Variants in ABHD2 observed in about 807,000 individuals in gnomAD.
The protein encoded by ABHD2 is monoacylglycerol lipase ABHD2.
A neutral mutation model predicts 48.1 loss-of-function variants in ABHD2; 20 were observed. The ratio of observed to expected loss-of-function variants is 0.42; its 90% confidence interval spans 0.29 to 0.60. The LOEUF is 0.60. Ranked by LOEUF, ABHD2 falls within the 20% of genes least tolerant of loss-of-function variation. The pLI, the probability that ABHD2 is intolerant of heterozygous loss-of-function variation, is 0.24. For missense variants in ABHD2, 405 were observed against 550.9 expected (o/e 0.74, Z 2.65); for synonymous variants, 209 against 214.2 (o/e 0.98, Z 0.21).
intron 5 of ABHD2, among the ~76,000 whole-genome samples, chr15:89,165,826 G>T (rs933812255): frequency 6.6e-6 from 1 of 152,196 alleles, no homozygotes; most frequent in Non-Finnish European, 1.5e-5. Flanking sequence ...ACAATGTTTG[G>T]AATGTGAGTG....
In ABHD2 at chr15:89,184,732, G is replaced by A. The variant is rs988144477; in HGVS notation, c.723-692G>A. 5.3e-5 allele frequency among the ~76,000 whole-genome samples: 8 copies of A among 152,268 alleles called. No individual in the cohort carries two copies. Among genetic ancestry groups the A allele is most frequent in the East Asian group, 1.9e-4 (1 of 5,190 alleles). ...GGGATAATATCACCTGCCTACTGCC[G>A]CCATTGAAGGGTCAGAGTGTGGCCC... On this transcript the variant is annotated intron_variant, in intron 6 of 10. Transcript: ENST00000352732. The surrounding 1 kb of genome is among the most constrained non-coding windows in gnomAD (Gnocchi z 5.1).
intron 1 of ABHD2, among the ~76,000 whole-genome samples, chr15:89,110,273 G>T (rs1174544377): frequency 6.6e-6 from 1 of 151,998 alleles, no homozygotes; most frequent in East Asian, 1.9e-4. Context: ...TATTGGCCAG[G>T]CTCATCTTGA....
intron 10 of ABHD2, among the ~76,000 whole-genome samples, chr15:89,194,668 A>T (rs1158010896): frequency 6.6e-6 from 1 of 152,154 alleles, no homozygotes; most frequent in African/African-American, 2.4e-5. Context: ...CCTGGCCCCC[A>T]CCACTACCAT....
Position 89,094,295 on chromosome 15 carries a change from T to C in ABHD2, c.-107+5732T>C, listed in dbSNP as rs2049576643. ...GAAGCTTTGAAAGATTGCCTCCCTA[T>C]GTGTACAGTCACTGTAGGCATGTAT... On this transcript the variant is annotated intron_variant, in intron 1 of 10. Transcript: ENST00000352732. This position sits in a 1 kb window ranked among gnomAD's most constrained non-coding sequence, Gnocchi z 4.7. 6.6e-6 allele frequency: 1 copy of C among 152,200 alleles called. No homozygotes were observed. Among genetic ancestry groups the C allele is most frequent in the South Asian group, 2.1e-4 (1 of 4,832 alleles). 9.4% of individuals were successfully genotyped at this position (152,200 alleles called of 1,614,324 possible). A position where few individuals can be genotyped will look rare whatever the true frequency, so the allele number is the denominator to read the frequency against.
Position 89,088,910 on chromosome 15 carries a change from C to T in ABHD2, c.-107+347C>T, listed in dbSNP as rs1901476397. Among the ~76,000 whole-genome samples the T allele has an allele frequency of 6.6e-6, 1 of 152,138 alleles. No homozygotes were observed. The highest frequency in any genetic ancestry group is 1.5e-5 in the Non-Finnish European group (1 of 68,022). On this transcript the variant is annotated intron_variant, in intron 1 of 10. Coordinates refer to ENST00000352732, the MANE Select transcript of ABHD2 (RefSeq NM_152924.5). This position sits in a 1 kb window ranked among gnomAD's most constrained non-coding sequence, Gnocchi z 6.8. ...GAGGGGTCTGCCGGTTCAGGCTCGG[C>T]GAAGAAGGTCCGGGATCCGCACCTG...
Position 89,146,731 on chromosome 15 carries a change from C to T in ABHD2, c.195-4946C>T, listed in dbSNP as rs114010448. On this transcript the variant is annotated intron_variant, in intron 3 of 10. Transcript: ENST00000352732. This position sits in a 1 kb window ranked among gnomAD's most constrained non-coding sequence, Gnocchi z 4.2. Reference sequence around the variant, plus strand: ...ACAGACAGAAAGACATGCAAATTAGCGTAGTAAAAATGGAATATTCTGTAA... The same window carrying T: ...ACAGACAGAAAGACATGCAAATTAGTGTAGTAAAAATGGAATATTCTGTAA... Among the ~76,000 whole-genome samples the T allele has an allele frequency of 3.3e-5, 5 of 151,882 alleles. No homozygotes were observed. Among genetic ancestry groups the T allele is most frequent in the Middle Eastern group, 3.2e-3 (1 of 316 alleles).
rs892819170 is a variant in ABHD2 at position 89,189,159 on chromosome 15, A to T, written c.926+856A>T. On this transcript the variant is annotated intron_variant, in intron 8 of 10. Transcript: ENST00000352732. This position sits in a 1 kb window ranked among gnomAD's most constrained non-coding sequence, Gnocchi z 4.9. ...GGAAAAGTTGACCTCTGATCTCATC[A>T]TTCTCTTTAAATACGTGATCCTTTT... Among the ~76,000 whole-genome samples the T allele has an allele frequency of 1.2e-4, 18 of 152,174 alleles. No individual in the cohort carries two copies. The highest frequency in any genetic ancestry group is 4.3e-4 in the African/African-American group (18 of 41,442).
At position 89,183,384 on chromosome 15, in the gene ABHD2, A is replaced by AAAAAAAAAATATAT. The variant is rs61602174; in HGVS notation, c.723-2039_723-2038insAAAAAAAATATATA. The AAAAAAAAAATATAT allele has an allele frequency of 2.8e-4, 13 of 46,266 alleles. 1 individual carries two copies. The highest frequency in any genetic ancestry group is 1.8e-3 in the South Asian group (2 of 1,108). The allele number at this position is 46,266 out of a possible 1,614,324, so 2.9% of individuals were successfully genotyped here. A position where few individuals can be genotyped will look rare whatever the true frequency, so the allele number is the denominator to read the frequency against. On this transcript the variant is annotated intron_variant, in intron 6 of 10. Coordinates refer to ENST00000352732, the MANE Select transcript of ABHD2 (RefSeq NM_152924.5). The stretch of plus-strand genomic sequence containing the variant: ...AGTCCTTTTCAAAAAAAAAAAAAAA[A>AAAAAAAAAATATAT]ATATATATATATATATATATATATA...
At chr15:89,190,565 A>G (rs1432425228) in intron 8 of ABHD2, among the ~76,000 whole-genome samples, 1 of 152,192 alleles carries the variant, frequency 6.6e-6, no homozygotes, top group Non-Finnish European at 1.5e-5. Context: ...CAGTTTCTCC[A>G]TATCTATAGT....
chr15:89,100,863 A>C lies in ABHD2; in HGVS notation c.-107+12300A>C, dbSNP rs2049690925. Among the ~76,000 whole-genome samples, 1 of 152,054 alleles carries C rather than the reference A, an allele frequency of 6.6e-6. No individual in the cohort carries two copies. Among genetic ancestry groups the C allele is most frequent in the Non-Finnish European group, 1.5e-5 (1 of 68,010 alleles). The stretch of plus-strand genomic sequence containing the variant: ...ACCCTGGGCCACAGTGAGAGACTCC[A>C]TCTCAAAAAAAAAGGAACCTTATTT... On this transcript the variant is annotated intron_variant, in intron 1 of 10. Coordinates refer to ENST00000352732, the MANE Select transcript of ABHD2 (RefSeq NM_152924.5). This position sits in a 1 kb window ranked among gnomAD's most constrained non-coding sequence, Gnocchi z 4.4.
upstream of ABHD2, among the ~76,000 whole-genome samples, chr15:89,085,682 C>A (rs908416961): frequency 1.3e-5 from 2 of 152,168 alleles, no homozygotes; most frequent in Non-Finnish European, 2.9e-5. This position sits in a 1 kb window ranked among gnomAD's most constrained non-coding sequence, Gnocchi z 4.2. Flanking sequence ...GGTGGCTGAA[C>A]CTATGTTCCT....
intron 7 of ABHD2, among the ~76,000 whole-genome samples, chr15:89,187,210 G>GCTAA: frequency 6.6e-6 from 1 of 152,186 alleles, no homozygotes; most frequent in Non-Finnish European, 1.5e-5. Flanking sequence ...TTTGCTAAAG[G>GCTAA]ACCCAGTCTT....
chr15:89,165,512 G>T lies in ABHD2; in HGVS notation c.538+9978G>T, dbSNP rs553912450. On this transcript the variant is annotated intron_variant, in intron 5 of 10. Transcript: ENST00000352732. ...ATGCACTTGTAATCTCAGCTACTCAGGAGACTAAGGCAGGAGGATAGCTTG... is the reference window on the plus strand; with the variant it reads ...ATGCACTTGTAATCTCAGCTACTCATGAGACTAAGGCAGGAGGATAGCTTG... Among the ~76,000 whole-genome samples the T allele has an allele frequency of 3.9e-5, 6 of 152,132 alleles. No homozygotes were observed. In the East Asian group the frequency reaches 1.2e-3, roughly 29 times the overall value.
intron 1 of ABHD2, among the ~76,000 whole-genome samples, chr15:89,101,375 C>T (rs2049697855): frequency 1.3e-5 from 2 of 152,170 alleles, no homozygotes; most frequent in African/African-American, 4.8e-5. Flanking sequence ...CTGCTGACAG[C>T]CCAGGCCACA....
intron 5 of ABHD2, among the ~76,000 whole-genome samples, chr15:89,169,322 T>C (rs895867050): frequency 2.0e-5 from 3 of 152,132 alleles, no homozygotes; most frequent in Non-Finnish European, 4.4e-5. Context: ...GACAAGTCAT[T>C]TCATGTCTTT....
chr15:89,155,065 G>A lies in ABHD2; in HGVS notation c.371-302G>A, dbSNP rs1193273843. 6.6e-6 allele frequency among the ~76,000 whole-genome samples: 1 copy of A among 152,158 alleles called. No homozygotes were observed. The highest frequency in any genetic ancestry group is 2.4e-5 in the African/African-American group (1 of 41,444). On this transcript the variant is annotated intron_variant, in intron 4 of 10. Transcript: ENST00000352732. This position sits in a 1 kb window ranked among gnomAD's most constrained non-coding sequence, Gnocchi z 4.9. ...TTTATATTTGTTGAATCTTATAGTA[G>A]AAAATTGAGGTTTGTATATTTTTCA...
intron 1 of ABHD2, among the ~76,000 whole-genome samples, chr15:89,099,770 A>G (rs2049671217): frequency 6.6e-6 from 1 of 151,022 alleles, no homozygotes; most frequent in Non-Finnish European, 1.5e-5. Context: ...TGGGCATGGT[A>G]GTGCACACCT....
Position 89,175,128 on chromosome 15 carries a change from A to C in ABHD2, c.539-684A>C, listed in dbSNP as rs1567104552. ...ATAACATCCACTTGCTACTTTTCTT[A>C]ACACCATGAATCATCATACACATGG... On this transcript the variant is annotated intron_variant, in intron 5 of 10. Transcript: ENST00000352732. The surrounding 1 kb of genome is among the most constrained non-coding windows in gnomAD (Gnocchi z 5.7). Among the ~76,000 whole-genome samples, 1 of 152,240 alleles carries C rather than the reference A, an allele frequency of 6.6e-6. No individual in the cohort carries two copies. The highest frequency in any genetic ancestry group is 1.5e-5 in the Non-Finnish European group (1 of 68,044).
Position 89,176,405 on chromosome 15 carries a change from GAGATGAGTCCC to G in ABHD2, c.722+416_722+426del, listed in dbSNP as rs1187785245. Among the ~76,000 whole-genome samples, 30 of 152,290 alleles carry G rather than the reference GAGATGAGTCCC, an allele frequency of 2.0e-4. 1 individual carries two copies. The highest frequency in any genetic ancestry group is 1.1e-3 in the Admixed American group (17 of 15,310). ...GATCCCAGATCCCTCCTTCCTGCAA[GAGATGAGTCCC>G]AGATGGCATCTGGAAGGGATCTGTA... On this transcript the variant is annotated intron_variant, in intron 6 of 10. Coordinates refer to ENST00000352732, the MANE Select transcript of ABHD2 (RefSeq NM_152924.5). The surrounding 1 kb of genome is among the most constrained non-coding windows in gnomAD (Gnocchi z 4.5).
Sources: gnomAD v4.1 joint callset for allele counts (sites outside exome capture counted in the v4.1 genomes callset) on GRCh38, gnomAD v4.1.1 for gene constraint, Gnocchi (gnomAD v3.1) non-coding constraint, MANE v1.5 for transcripts, NCBI Gene and HGNC (gene_info 2026-07-23, HGNC 2026-07-21) for gene names.